The following SNX29 variants were observed in gnomAD, a reference collection of about 807,000 sequenced individuals.
SNX29 encodes the protein sorting nexin-29.
In SNX29, 78 loss-of-function variants were observed where a neutral mutation model predicts 102.1. That is an observed-to-expected ratio of 0.76 (90% CI 0.64 to 0.92). The LOEUF (loss-of-function observed/expected upper bound fraction) is 0.92. Among genes scored for constraint, SNX29 ranks in the 40% least tolerant of loss-of-function variants. The pLI, the probability that SNX29 is intolerant of heterozygous loss-of-function variation, is 0.00. For missense variants in SNX29, 1,280 were observed against 1,061.7 expected, an observed-to-expected ratio of 1.21 and a Z score of -2.86; for synonymous variants, 580 against 414.5, an observed-to-expected ratio of 1.40 and a Z score of -4.85.
chr16:11,983,235 ATTTTTTTTT>A (rs557542669), intron 1 of SNX29, among the ~76,000 whole-genome samples: 105 of 129,610 alleles, frequency 8.1e-4, no homozygotes, highest in African/African-American at 3.0e-3. Context: ...CTGGGTTACA[ATTTTTTTTT>A]TTTTTTTTTT....
chr16:12,300,068 C>T (rs1007363765), intron 15 of SNX29, among the ~76,000 whole-genome samples: 6 of 152,084 alleles, frequency 3.9e-5, no homozygotes, highest in Non-Finnish European at 7.4e-5. Flanking sequence ...GACAGGGCTG[C>T]GCCATGTTGG....
At chr16:12,486,449 C>T (rs1244171044) in intron 19 of SNX29, among the ~76,000 whole-genome samples, 1 of 152,186 alleles carries the variant, frequency 6.6e-6, no homozygotes, top group East Asian at 1.9e-4. Context: ...TCTTCCTTGT[C>T]CTGGGTAGAC....
chr16:12,336,885 G>T (rs1187960004), intron 15 of SNX29, among the ~76,000 whole-genome samples: 1 of 152,218 alleles, frequency 6.6e-6, no homozygotes, highest in Non-Finnish European at 1.5e-5. Context: ...AGTTGTGGCT[G>T]CAGTGAGCTA....
chr16:12,136,981 C>T (rs1345754419), intron 13 of SNX29, among the ~76,000 whole-genome samples: 1 of 152,170 alleles, frequency 6.6e-6, no homozygotes, highest in East Asian at 1.9e-4. Context: ...CTCAAATGAT[C>T]CACCTGCTTC....
At chr16:12,478,114 A>G (rs2087741390) in intron 19 of SNX29, among the ~76,000 whole-genome samples, 1 of 152,250 alleles carries the variant, frequency 6.6e-6, no homozygotes, top group South Asian at 2.1e-4. Flanking sequence ...TTAAAGGGCC[A>G]GAGAGTAAAT....
At chr16:12,162,881 CTTTG>C (rs148278882) in intron 13 of SNX29, among the ~76,000 whole-genome samples, 5,277 of 152,112 alleles carry the variant, frequency 0.035, 308 homozygotes, top group African/African-American at 0.12. Context: ...ATAGTTGTTG[CTTTG>C]TTTTTCTTTT....
chr16:12,353,857 A>G (rs1478963403), intron 15 of SNX29, among the ~76,000 whole-genome samples: 1 of 152,230 alleles, frequency 6.6e-6, no homozygotes, highest in Non-Finnish European at 1.5e-5. Flanking sequence ...AGCAGGTGAC[A>G]ACATTAGATG....
intron 11 of SNX29, among the ~76,000 whole-genome samples, chr16:12,101,769 T>C (rs1209962654): frequency 6.6e-6 from 1 of 152,182 alleles, no homozygotes; most frequent in East Asian, 1.9e-4. Context: ...GGAAAGTATC[T>C]TTTTAATTTA....
At chr16:12,300,240 T>A (rs929323386) in intron 15 of SNX29, among the ~76,000 whole-genome samples, 3 of 152,220 alleles carry the variant, frequency 2.0e-5, no homozygotes, top group African/African-American at 7.2e-5. Flanking sequence ...CCATGTAGTT[T>A]TAATTTGCAT....
intron 19 of SNX29, among the ~76,000 whole-genome samples, chr16:12,489,928 C>A (rs538862148): frequency 6.6e-6 from 1 of 152,242 alleles, no homozygotes; most frequent in South Asian, 2.1e-4. Flanking sequence ...GCCTCAGCCT[C>A]CTGAGTAGCT....
At chr16:12,109,264 C>G (rs1041218399) in intron 11 of SNX29, among the ~76,000 whole-genome samples, 1 of 151,046 alleles carries the variant, frequency 6.6e-6, no homozygotes, top group Non-Finnish European at 1.5e-5. Context: ...GGGTCCTGAA[C>G]TGGCATAGAG....
At chr16:12,559,065 T>TC (rs1488337249) in intron 20 of SNX29, among the ~76,000 whole-genome samples, 1 of 152,082 alleles carries the variant, frequency 6.6e-6, no homozygotes, top group Non-Finnish European at 1.5e-5. Flanking sequence ...AATGTAGAGG[T>TC]CTACCGCTGT....
chr16:12,063,873 A>G (rs1406842147), intron 9 of SNX29, among the ~76,000 whole-genome samples: 4 of 151,786 alleles, frequency 2.6e-5, no homozygotes, highest in East Asian at 1.9e-4. Flanking sequence ...TAGACCATCC[A>G]TGGTCCAAAT....
chr16:12,541,359 A>C (rs539635255), intron 20 of SNX29, among the ~76,000 whole-genome samples: 3 of 152,288 alleles, frequency 2.0e-5, no homozygotes, highest in Admixed American at 1.3e-4. Flanking sequence ...TTCTTCACAG[A>C]ATTCCCTATG....
intron 15 of SNX29, among the ~76,000 whole-genome samples, chr16:12,344,545 A>T (rs1488291315): frequency 1.3e-5 from 2 of 152,214 alleles, no homozygotes; most frequent in Non-Finnish European, 2.9e-5. Context: ...TGAATAAATG[A>T]ATGAAAGAAT....
intron 15 of SNX29, among the ~76,000 whole-genome samples, chr16:12,298,154 A>G (rs1180459741): frequency 6.6e-6 from 1 of 152,218 alleles, no homozygotes; most frequent in African/African-American, 2.4e-5. Context: ...TGGGCAACAG[A>G]GCGAGACTCT....
intron 19 of SNX29, among the ~76,000 whole-genome samples, chr16:12,482,707 C>T (rs896611258): frequency 1.3e-5 from 2 of 152,198 alleles, no homozygotes; most frequent in African/African-American, 2.4e-5. Context: ...AAATAGCAAG[C>T]GTAGTTTAGC....
intron 19 of SNX29, among the ~76,000 whole-genome samples, chr16:12,507,669 C>A (rs1022213274): frequency 6.6e-6 from 1 of 152,288 alleles, no homozygotes; most frequent in East Asian, 1.9e-4. Context: ...TGGAATGATT[C>A]CTTTTTCGGC....
chr16:12,096,218 A>C lies in SNX29; in HGVS notation c.1402+17303A>C, dbSNP rs1386196301. On this transcript the variant is annotated intron_variant, in intron 11 of 20. Coordinates refer to ENST00000566228, the MANE Select transcript of SNX29 (RefSeq NM_032167.5). This position sits in a 1 kb window ranked among gnomAD's most constrained non-coding sequence, Gnocchi z 4.2. ...CTTTAAAGGGGAAACTTCCCACTGA[A>C]TTTTGTGTATTAGCCCTTCAGTGAC... Among the ~76,000 whole-genome samples the C allele has an allele frequency of 6.6e-6, 1 of 152,216 alleles. No individual in the cohort carries two copies. Among genetic ancestry groups the C allele is most frequent in the Non-Finnish European group, 1.5e-5 (1 of 68,042 alleles).
Sources: allele counts gnomAD v4.1 joint callset (sites outside exome capture counted in the v4.1 genomes callset), GRCh38; gene constraint gnomAD v4.1.1; non-coding constraint Gnocchi (gnomAD v3.1); transcripts MANE v1.5; gene names NCBI Gene and HGNC (gene_info 2026-07-23, HGNC 2026-07-21).